Variants in FZD2 observed in about 807,000 individuals in gnomAD.
FZD2 encodes the protein frizzled class receptor 2, also known as frizzled-2.
In FZD2, 17 loss-of-function variants were observed where a neutral mutation model predicts 36.7. The ratio of observed to expected loss-of-function variants is 0.46; its 90% CI spans 0.32 to 0.70. The LOEUF is 0.70. Among genes scored for constraint, FZD2 ranks in the 30% least tolerant of loss-of-function variants. The probability of loss-of-function intolerance (pLI) is 0.04; values close to 1 mark genes in which losing one functional copy is unlikely to be tolerated. For synonymous variants in FZD2, 333 were observed against 359.6 expected, an observed-to-expected ratio of 0.93 and a Z score of 0.84; for missense variants, 525 against 805.6, an observed-to-expected ratio of 0.65 and a Z score of 4.22.
chr17:44,558,433 C>T lies in FZD2; in HGVS notation c.745C>T (p.Leu249Phe), dbSNP rs1970852440. Reference sequence around the variant, plus strand: ...GACGCGTTTCGCGCGCCTCTGGATCCTCACCTGGTCGGTGCTGTGCTGCGC... The same window carrying T: ...GACGCGTTTCGCGCGCCTCTGGATCTTCACCTGGTCGGTGCTGTGCTGCGC... ...EETRFARLWI[L>F]TWSVLCCAST... is the part of the protein sequence containing the mutation. Residue 249 changes from leucine (L) to phenylalanine (F), a missense_variant, in exon 1 of 1, where the codon CTC (leucine) becomes TTC (phenylalanine). By Grantham distance (22) the Leu-to-Phe change is conservative. This residue lies in a region of FZD2 where 257 missense variants were observed against 344.4 expected (regional missense o/e 0.75). Coordinates refer to ENST00000315323, the MANE Select transcript of FZD2 (RefSeq NM_001466.4). The surrounding 1 kb of genome is among the most constrained non-coding windows in gnomAD (Gnocchi z 9.3). 3.2e-6 allele frequency: 5 copies of T among 1,583,448 alleles called. No individual in the cohort carries two copies. The highest frequency in any genetic ancestry group is 4.3e-6 in the Non-Finnish European group (5 of 1,167,796).
Position 44,559,428 on chromosome 17 carries a change from C to T in FZD2, c.*42C>T. ...GGAACCGCGCGGCGCTTTCCTCCGC[C>T]CGGGGTGGGGCCCCTACAGACTCCG... On this transcript the variant is annotated 3_prime_UTR_variant, in exon 1 of 1. Coordinates refer to ENST00000315323, the MANE Select transcript of FZD2 (RefSeq NM_001466.4). The surrounding 1 kb of genome is among the most constrained non-coding windows in gnomAD (Gnocchi z 4.4). The T allele has an allele frequency of 4.0e-6, 6 of 1,517,010 alleles. No individual in the cohort carries two copies. Among genetic ancestry groups the T allele is most frequent in the Non-Finnish European group, 4.4e-6 (5 of 1,135,450 alleles). 94.0% of individuals were successfully genotyped at this position (1,517,010 alleles called of 1,614,324 possible).
chr17:44,558,235 C>G lies in FZD2; in HGVS notation c.547C>G (p.Pro183Ala). The part of the protein sequence containing the change: ...QPGAGGTPGG[P>A]GGGGAPPRYA... ...GGGTGCCGGGGGCACCCCGGGTGGCCCGGGCGGCGGCGGCGCTCCCCCGCG... is the reference window on the plus strand; with the variant it reads ...GGGTGCCGGGGGCACCCCGGGTGGCGCGGGCGGCGGCGGCGCTCCCCCGCG... The change falls in exon 1 of 1, where the codon CCG (proline) becomes GCG (alanine). Residue 183 changes from proline (P) to alanine (A), a missense_variant. Physicochemically the swap from Pro to Ala is conservative, Grantham distance 27. Coordinates refer to ENST00000315323, the MANE Select transcript of FZD2 (RefSeq NM_001466.4). The surrounding 1 kb of genome is among the most constrained non-coding windows in gnomAD (Gnocchi z 9.3). 1.4e-6 allele frequency: 2 copies of G among 1,384,604 alleles called. No homozygotes were observed. Among genetic ancestry groups the G allele is most frequent in the Non-Finnish European group, 9.3e-7 (1 of 1,073,002 alleles). The allele number at this position is 1,384,604 out of a possible 1,614,324, so 85.8% of individuals were successfully genotyped here.
In FZD2 at chr17:44,559,693, G is replaced by A; in HGVS notation, c.*307G>A. 1 of 171,834 alleles carries A rather than the reference G, an allele frequency of 5.8e-6. No individual in the cohort carries two copies. The highest frequency in any genetic ancestry group is 1.2e-5 in the Non-Finnish European group (1 of 82,412). 10.6% of individuals were successfully genotyped at this position (171,834 alleles called of 1,614,324 possible). On this transcript the variant is annotated 3_prime_UTR_variant, in exon 1 of 1. Transcript: ENST00000315323. The surrounding 1 kb of genome is among the most constrained non-coding windows in gnomAD (Gnocchi z 4.4). Reference sequence around the variant, plus strand: ...TGTTGGGGAGTGTAGTTGGGGGGAGGGTTCTCTTTCTTAAGTGCCCTTCAA... The same window carrying A: ...TGTTGGGGAGTGTAGTTGGGGGGAGAGTTCTCTTTCTTAAGTGCCCTTCAA...
Position 44,559,195 on chromosome 17 carries a change from G to T in FZD2, c.1507G>T (p.Ala503Ser). ...GGTGAGCCAGCACTGCAAGAGCCTG[G>T]CCATCCCGTGCCCGGCGCACTACAC... ...SWVSQHCKSL[A>S]IPCPAHYTPR... The change falls in exon 1 of 1, where the codon GCC becomes TCC. Residue 503 changes from alanine (A) to serine (S), a missense_variant. Physicochemically the swap from Ala to Ser is moderately conservative, Grantham distance 99. Transcript: ENST00000315323. This position sits in a 1 kb window ranked among gnomAD's most constrained non-coding sequence, Gnocchi z 4.4. 1.9e-6 allele frequency: 3 copies of T among 1,613,920 alleles called. No homozygotes were observed. Among genetic ancestry groups the T allele is most frequent in the Non-Finnish European group, 2.5e-6 (3 of 1,179,984 alleles).
Position 44,557,943 on chromosome 17 carries a change from G to A in FZD2, c.255G>A (p.Ser85=). The change falls in exon 1 of 1, where the codon TCG becomes TCA. Residue 85 remains serine, a synonymous_variant. Transcript: ENST00000315323. This position sits in a 1 kb window ranked among gnomAD's most constrained non-coding sequence, Gnocchi z 4.9. ...QFYPLVKVQC[S]PELRFFLCSM... is the part of the protein sequence containing the mutation. ...ATCCGCTGGTGAAGGTGCAGTGCTC[G>A]CCCGAACTGCGCTTCTTCCTGTGCT... 5 of 1,614,124 alleles carry A rather than the reference G, an allele frequency of 3.1e-6. No homozygotes were observed. The highest frequency in any genetic ancestry group is 4.2e-6 in the Non-Finnish European group (5 of 1,180,018).
At position 44,559,654 on chromosome 17, in the gene FZD2, A is replaced by C; in HGVS notation, c.*268A>C. On this transcript the variant is annotated 3_prime_UTR_variant, in exon 1 of 1. Coordinates refer to ENST00000315323, the MANE Select transcript of FZD2 (RefSeq NM_001466.4). This position sits in a 1 kb window ranked among gnomAD's most constrained non-coding sequence, Gnocchi z 4.4. ...GGGGTGTGGGCGCCAGGACTGAAGAATGAGGTGTGTGTGTGTTGGGGAGTG... is the reference window on the plus strand; with the variant it reads ...GGGGTGTGGGCGCCAGGACTGAAGACTGAGGTGTGTGTGTGTTGGGGAGTG... The C allele has an allele frequency of 2.8e-5, 6 of 213,966 alleles. No homozygotes were observed. The highest frequency in any genetic ancestry group is 1.2e-4 in the East Asian group (1 of 8,604). 13.3% of individuals were successfully genotyped at this position (213,966 alleles called of 1,614,324 possible). A position where few individuals can be genotyped will look rare whatever the true frequency, so the allele number is the denominator to read the frequency against.
At position 44,558,676 on chromosome 17, in the gene FZD2, C is replaced by A. The variant is rs1362014589; in HGVS notation, c.988C>A (p.Leu330Ile). 1.2e-6 allele frequency: 2 copies of A among 1,614,228 alleles called. No individual in the cohort carries two copies. The highest frequency in any genetic ancestry group is 2.2e-5 in the South Asian group (2 of 91,082). ...CACCAAGAAGGAGGGCTGCACCATC[C>A]TCTTCATGATGCTCTACTTCTTCAG... The part of the protein sequence containing the change: ...QGTKKEGCTI[L>I]FMMLYFFSMA... Residue 330 changes from leucine to isoleucine, a missense_variant, in exon 1 of 1, where the codon CTC (leucine) becomes ATC (isoleucine). Leu to Ile is a conservative substitution (Grantham distance 5). This residue lies in a region of FZD2 where 6 missense variants were observed against 36.9 expected (regional missense o/e 0.16). Coordinates refer to ENST00000315323, the MANE Select transcript of FZD2 (RefSeq NM_001466.4). This position sits in a 1 kb window ranked among gnomAD's most constrained non-coding sequence, Gnocchi z 9.3.
In FZD2 at chr17:44,558,477, C is replaced by CACCACGTACTGTACCAAGT; in HGVS notation, c.799_800insGTACCAAGTACCACGTACT (p.Leu267CysfsTer302). ...GCTGCGCTTCCACCTTCTTCACTGT[C>CACCACGTACTGTACCAAGT]ACCACGTACTTGGTAGACATGCAGC... is the stretch of plus-strand genomic sequence containing the variant. On this transcript the variant is annotated frameshift_variant, in exon 1 of 1. Coordinates refer to ENST00000315323, the MANE Select transcript of FZD2 (RefSeq NM_001466.4). LOFTEE classifies it high-confidence loss of function. The surrounding 1 kb of genome is among the most constrained non-coding windows in gnomAD (Gnocchi z 9.3). 1 of 1,584,014 alleles carries CACCACGTACTGTACCAAGT rather than the reference C, an allele frequency of 6.3e-7. No homozygotes were observed. The highest frequency in any genetic ancestry group is 8.6e-7 in the Non-Finnish European group (1 of 1,166,470).
rs1970862986 is a variant in FZD2, at chr17:44,559,398, AG to A, written c.*14del. The A allele has an allele frequency of 6.4e-7, 1 of 1,574,310 alleles. No homozygotes were observed. The highest frequency in any genetic ancestry group is 8.6e-7 in the Non-Finnish European group (1 of 1,160,200). On this transcript the variant is annotated 3_prime_UTR_variant, in exon 1 of 1. Coordinates refer to ENST00000315323, the MANE Select transcript of FZD2 (RefSeq NM_001466.4). The surrounding 1 kb of genome is among the most constrained non-coding windows in gnomAD (Gnocchi z 4.4). ...AGACCACCGTGTGAGGGACGCCCCC[AG>A]GCCGGAACCGCGCGGCGCTTTCCTC...
Position 44,559,113 on chromosome 17 carries a change from C to T in FZD2, c.1425C>T (p.Ile475=), listed in dbSNP as rs1970860059. ...TGCTCTACACAGTGCCCGCCACCAT[C>T]GTCATCGCTTGCTACTTCTACGAGC... ...FSVLYTVPAT[I]VIACYFYEQA... Residue 475 remains isoleucine, a synonymous_variant, in exon 1 of 1, where the codon ATC becomes ATT. Transcript: ENST00000315323. The surrounding 1 kb of genome is among the most constrained non-coding windows in gnomAD (Gnocchi z 4.4). The T allele has an allele frequency of 1.9e-6, 3 of 1,613,992 alleles. No individual in the cohort carries two copies. The highest frequency in any genetic ancestry group is 2.5e-6 in the Non-Finnish European group (3 of 1,180,052).
Position 44,559,559 on chromosome 17 carries a change from C to A in FZD2, c.*173C>A. 1 of 713,460 alleles carries A rather than the reference C, an allele frequency of 1.4e-6. No homozygotes were observed. Among genetic ancestry groups the A allele is most frequent in the Non-Finnish European group, 2.0e-6 (1 of 494,472 alleles). The allele number at this position is 713,460 out of a possible 1,614,324, so 44.2% of individuals were successfully genotyped here. Reference sequence around the variant, plus strand: ...ACCCCCACAAGGTTTGTAATTAAAACTGTAAATAGTCTTTGTAAATTTAAT... The same window carrying A: ...ACCCCCACAAGGTTTGTAATTAAAAATGTAAATAGTCTTTGTAAATTTAAT... On this transcript the variant is annotated 3_prime_UTR_variant, in exon 1 of 1. Transcript: ENST00000315323. This position sits in a 1 kb window ranked among gnomAD's most constrained non-coding sequence, Gnocchi z 4.4.
Position 44,558,201 on chromosome 17 carries a change from A to G in FZD2, c.513A>G (p.Gly171=). ...TACTCACCACCGCGCCGCCGCCGGG[A>G]CTGCAGCCGGGTGCCGGGGGCACCC... ...PALLTTAPPP[G]LQPGAGGTPG... The change falls in exon 1 of 1, where the codon GGA becomes GGG. Residue 171 remains glycine (G), a synonymous_variant. Transcript: ENST00000315323. This position sits in a 1 kb window ranked among gnomAD's most constrained non-coding sequence, Gnocchi z 9.3. 4.2e-6 allele frequency: 6 copies of G among 1,430,210 alleles called. No homozygotes were observed. Among genetic ancestry groups the G allele is most frequent in the Non-Finnish European group, 5.5e-6 (6 of 1,094,606 alleles). 88.6% of individuals were successfully genotyped at this position (1,430,210 alleles called of 1,614,324 possible).
Position 44,557,530 on chromosome 17 carries a change from C to T in FZD2, c.-159C>T. On this transcript the variant is annotated 5_prime_UTR_variant, in exon 1 of 1. Coordinates refer to ENST00000315323, the MANE Select transcript of FZD2 (RefSeq NM_001466.4). The surrounding 1 kb of genome is among the most constrained non-coding windows in gnomAD (Gnocchi z 4.9). ...CGGGCAGGCGCACCGCCCCCTCCCCCGCCCGGCCTCCCCAACTCTGCGGCC... is the reference window on the plus strand; with the variant it reads ...CGGGCAGGCGCACCGCCCCCTCCCCTGCCCGGCCTCCCCAACTCTGCGGCC... 1.9e-6 allele frequency: 1 copy of T among 538,232 alleles called. No individual in the cohort carries two copies. Among genetic ancestry groups the T allele is most frequent in the Non-Finnish European group, 3.1e-6 (1 of 319,548 alleles). 33.3% of individuals were successfully genotyped at this position (538,232 alleles called of 1,614,324 possible).
Position 44,559,089 on chromosome 17 carries a change from G to A in FZD2, c.1401G>A (p.Val467=), listed in dbSNP as rs773563937. ...TGGTGCGCATCGGCGTCTTCTCCGTGCTCTACACAGTGCCCGCCACCATCG... is the reference window on the plus strand; with the variant it reads ...TGGTGCGCATCGGCGTCTTCTCCGTACTCTACACAGTGCCCGCCACCATCG... ...RLMVRIGVFS[V]LYTVPATIVI... is the part of the protein sequence containing the mutation. The change falls in exon 1 of 1, where the codon GTG becomes GTA. Residue 467 remains valine (V), a synonymous_variant. Transcript: ENST00000315323. This position sits in a 1 kb window ranked among gnomAD's most constrained non-coding sequence, Gnocchi z 4.4. The A allele has an allele frequency of 6.2e-7, 1 of 1,614,068 alleles. No homozygotes were observed. Among genetic ancestry groups the A allele is most frequent in the East Asian group, 2.2e-5 (1 of 44,880 alleles).
Position 44,559,068 on chromosome 17 carries a change from G to A in FZD2, c.1380G>A (p.Val460=). 1.9e-6 allele frequency: 3 copies of A among 1,607,026 alleles called. No individual in the cohort carries two copies. The highest frequency in any genetic ancestry group is 2.5e-6 in the Non-Finnish European group (3 of 1,176,970). The change falls in exon 1 of 1, where the codon GTG becomes GTA. Residue 460 remains valine (V), a synonymous_variant. Transcript: ENST00000315323. The surrounding 1 kb of genome is among the most constrained non-coding windows in gnomAD (Gnocchi z 4.4). ...TKTEKLERLM[V]RIGVFSVLYT... ...CCGAAAAGCTGGAGCGGCTCATGGT[G>A]CGCATCGGCGTCTTCTCCGTGCTCT...
Position 44,559,581 on chromosome 17 carries a change from T to C in FZD2, c.*195T>C, listed in dbSNP as rs1970865974. The C allele has an allele frequency of 3.7e-6, 2 of 542,456 alleles. No homozygotes were observed. Among genetic ancestry groups the C allele is most frequent in the East Asian group, 8.2e-5 (2 of 24,488 alleles). The allele number at this position is 542,456 out of a possible 1,614,324, so 33.6% of individuals were successfully genotyped here. A position where few individuals can be genotyped will look rare whatever the true frequency, so the allele number is the denominator to read the frequency against. On this transcript the variant is annotated 3_prime_UTR_variant, in exon 1 of 1. Coordinates refer to ENST00000315323, the MANE Select transcript of FZD2 (RefSeq NM_001466.4). The surrounding 1 kb of genome is among the most constrained non-coding windows in gnomAD (Gnocchi z 4.4). The stretch of plus-strand genomic sequence containing the variant: ...AAACTGTAAATAGTCTTTGTAAATT[T>C]AATTATATATATTTTCTATTTAAAA...
chr17:44,557,561 T>G lies in FZD2; in HGVS notation c.-128T>G. 8.7e-6 allele frequency: 5 copies of G among 571,500 alleles called. No individual in the cohort carries two copies. Among genetic ancestry groups the G allele is most frequent in the Non-Finnish European group, 1.3e-5 (5 of 379,812 alleles). 35.4% of individuals were successfully genotyped at this position (571,500 alleles called of 1,614,324 possible). A position where few individuals can be genotyped will look rare whatever the true frequency, so the allele number is the denominator to read the frequency against. On this transcript the variant is annotated 5_prime_UTR_variant, in exon 1 of 1. Transcript: ENST00000315323. This position sits in a 1 kb window ranked among gnomAD's most constrained non-coding sequence, Gnocchi z 4.9. ...GCCTCCCCAACTCTGCGGCCGCGAG[T>G]AAAGTTTGCAAAGAGGCGCGGGAGG... is the stretch of plus-strand genomic sequence containing the variant.
In FZD2 at chr17:44,558,907, A is replaced by G; in HGVS notation, c.1219A>G (p.Asn407Asp). 6.2e-7 allele frequency: 1 copy of G among 1,612,962 alleles called. No individual in the cohort carries two copies. Among genetic ancestry groups the G allele is most frequent in the African/African-American group, 1.3e-5 (1 of 75,036 alleles). The part of the protein sequence containing the change: ...LLSGVCFVGL[N>D]SLDPLRGFVL... ...GAGCGGCGTGTGCTTCGTAGGCCTC[A>G]ACAGCCTGGACCCGCTGCGGGGCTT... is the stretch of plus-strand genomic sequence containing the variant. Residue 407 changes from asparagine (N) to aspartate (D), a missense_variant, in exon 1 of 1, where the codon AAC becomes GAC. Transcript: ENST00000315323. This position sits in a 1 kb window ranked among gnomAD's most constrained non-coding sequence, Gnocchi z 9.3.
rs770020830 is a variant in FZD2, at chr17:44,559,411, G to A, written c.*25G>A. 22 of 1,548,224 alleles carry A rather than the reference G, an allele frequency of 1.4e-5. No homozygotes were observed. The highest frequency in any genetic ancestry group is 1.9e-5 in the Non-Finnish European group (22 of 1,148,880). ...AGGGACGCCCCCAGGCCGGAACCGC[G>A]CGGCGCTTTCCTCCGCCCGGGGTGG... On this transcript the variant is annotated 3_prime_UTR_variant, in exon 1 of 1. Transcript: ENST00000315323. This position sits in a 1 kb window ranked among gnomAD's most constrained non-coding sequence, Gnocchi z 4.4.
Sources: gnomAD v4.1 joint callset for allele counts on GRCh38, gnomAD v4.1.1 for gene constraint, gnomAD v4.1.1 regional missense constraint, Gnocchi (gnomAD v3.1) non-coding constraint, MANE v1.5 for transcripts, NCBI Gene and HGNC (gene_info 2026-07-23, HGNC 2026-07-21) for gene names.